IRF2: variants seen among roughly 807,000 people sequenced by gnomAD.
IRF2 encodes interferon regulatory factor 2.
In IRF2, 15 loss-of-function variants were observed where a neutral mutation model predicts 40.6. The observed-to-expected ratio is 0.37, with a 90% CI of 0.25 to 0.57. The LOEUF (loss-of-function observed/expected upper bound fraction) is 0.57, where lower values mean the gene tolerates loss of function less well. Among genes scored for constraint, IRF2 ranks in the 20% least tolerant of loss-of-function variants. The pLI, the probability that IRF2 is intolerant of heterozygous loss-of-function variation, is 0.77. For missense variants in IRF2, 317 were observed against 455.7 expected, an observed-to-expected ratio of 0.70 and a Z score of 2.77; for synonymous variants, 151 against 165.5, an observed-to-expected ratio of 0.91 and a Z score of 0.67.
chr4:184,454,941 G>A (rs940381773), intron 1 of IRF2, among the ~76,000 whole-genome samples: 8 of 152,124 alleles, frequency 5.3e-5, no homozygotes, highest in African/African-American at 1.9e-4. Context: ...AGTAGGGCCC[G>A]TGCTCCACCT....
At chr4:184,417,491 A>G (rs971034991) in intron 5 of IRF2, among the ~76,000 whole-genome samples, 2 of 152,148 alleles carry the variant, frequency 1.3e-5, no homozygotes, top group African/African-American at 4.8e-5. Context: ...CCAGTTTTGC[A>G]GGGCATATTC....
chr4:184,411,903 C>A (rs1309724860), intron 5 of IRF2, among the ~76,000 whole-genome samples: 1 of 151,540 alleles, frequency 6.6e-6, no homozygotes, highest in East Asian at 1.9e-4. Flanking sequence ...GATTCACATC[C>A]CCTCTGTCTG....
At chr4:184,416,068 T>C (rs1737255085) in intron 5 of IRF2, among the ~76,000 whole-genome samples, 1 of 152,106 alleles carries the variant, frequency 6.6e-6, no homozygotes, top group South Asian at 2.1e-4. Context: ...TCCAACATTT[T>C]GGGAAGCCGA....
intron 1 of IRF2, among the ~76,000 whole-genome samples, chr4:184,464,502 G>A (rs777182718): frequency 6.6e-6 from 1 of 152,168 alleles, no homozygotes; most frequent in Non-Finnish European, 1.5e-5. Context: ...GGACTATACA[G>A]GACATGAAGA....
At chr4:184,409,750 C>T (rs1213488750) in intron 5 of IRF2, among the ~76,000 whole-genome samples, 3 of 152,048 alleles carry the variant, frequency 2.0e-5, no homozygotes, top group Admixed American at 6.6e-5. Flanking sequence ...AAGCATTAGC[C>T]GGGTGTGGTG....
intron 1 of IRF2, among the ~76,000 whole-genome samples, chr4:184,453,134 T>C (rs989974533): frequency 6.6e-6 from 1 of 152,254 alleles, no homozygotes; most frequent in South Asian, 2.1e-4. Flanking sequence ...AAACTGTGAA[T>C]TGCAGATAAA....
At chr4:184,462,678 GATA>G (rs1739186960) in intron 1 of IRF2, among the ~76,000 whole-genome samples, 1 of 152,196 alleles carries the variant, frequency 6.6e-6, no homozygotes, top group African/African-American at 2.4e-5. Flanking sequence ...AGAAGAAACT[GATA>G]ATATTTTTTA....
intron 1 of IRF2, among the ~76,000 whole-genome samples, chr4:184,451,902 G>C (rs1270763246): frequency 6.6e-6 from 1 of 152,112 alleles, no homozygotes; most frequent in Non-Finnish European, 1.5e-5. Context: ...AACAGGGATG[G>C]AACAAGAAGA....
At chr4:184,445,666 A>G (rs574655458) in intron 1 of IRF2, among the ~76,000 whole-genome samples, 85 of 151,656 alleles carry the variant, frequency 5.6e-4, no homozygotes, top group South Asian at 8.3e-4. Context: ...AAAAAAAAAA[A>G]AAGAAGAAGA....
At chr4:184,392,950 C>T (rs544224416) in intron 7 of IRF2, among the ~76,000 whole-genome samples, 1 of 152,322 alleles carries the variant, frequency 6.6e-6, no homozygotes, top group South Asian at 2.1e-4. Context: ...GAGAAGCCCT[C>T]AGCCTCAGCT....
At chr4:184,415,665 T>G (rs886883071) in intron 5 of IRF2, among the ~76,000 whole-genome samples, 7 of 152,258 alleles carry the variant, frequency 4.6e-5, no homozygotes, top group African/African-American at 1.7e-4. Flanking sequence ...TGGCGTTCGA[T>G]GGAATACAGT....
chr4:184,473,639 T>C (rs1193449214), intron 1 of IRF2, among the ~76,000 whole-genome samples: 10 of 147,100 alleles, frequency 6.8e-5, no homozygotes, highest in African/African-American at 2.5e-4. Flanking sequence ...CCGGCCCGGC[T>C]CCGAGCCCGC....
At chr4:184,473,045 G>A (rs989051804) in intron 1 of IRF2, among the ~76,000 whole-genome samples, 1 of 152,100 alleles carries the variant, frequency 6.6e-6, no homozygotes, top group East Asian at 1.9e-4. Context: ...GCGGACGCCG[G>A]CCCCCAGGCC....
rs370673884 is a variant in IRF2 at position 184,471,292 on chromosome 4, T to C, written c.-7+3087A>G. Among the ~76,000 whole-genome samples, 91 of 152,304 alleles carry C rather than the reference T, an allele frequency of 6.0e-4. 1 individual carries two copies. In the South Asian group the frequency reaches 0.01, roughly 17 times the overall value. ...CCTTACAGCTAACCCCAAAAGGTAA[T>C]AACTATATTTTTTGTTGTTAATGGT... On this transcript the variant is annotated intron_variant, in intron 1 of 8. Coordinates refer to ENST00000393593, the MANE Select transcript of IRF2 (RefSeq NM_002199.4).
rs140122383 is a variant in IRF2 at position 184,439,616 on chromosome 4, C to G, written c.-6-10546G>C. Among the ~76,000 whole-genome samples, 1,327 of 152,222 alleles carry G rather than the reference C, an allele frequency of 8.7e-3. 21 individuals are homozygous for G. Among genetic ancestry groups the G allele is most frequent in the African/African-American group, 0.03 (1,251 of 41,534 alleles). ...CAAAAGTCTAAAATGCTTTCAAATA[C>G]CACAAAACTAGTTTTCCAGGCTGAA... is the stretch of plus-strand genomic sequence containing the variant. On this transcript the variant is annotated intron_variant, in intron 1 of 8. Transcript: ENST00000393593.
chr4:184,462,624 C>T (rs1739184766), intron 1 of IRF2, among the ~76,000 whole-genome samples: 1 of 152,164 alleles, frequency 6.6e-6, no homozygotes, highest in Non-Finnish European at 1.5e-5. Context: ...TTATTTATCC[C>T]TACAAGAAAG....
chr4:184,445,494 A>G (rs1010844940), intron 1 of IRF2, among the ~76,000 whole-genome samples: 1 of 152,056 alleles, frequency 6.6e-6, no homozygotes, highest in African/African-American at 2.4e-5. Context: ...TCTCTACTAA[A>G]ATTTATATAA....
chr4:184,472,906 T>G (rs988713866), intron 1 of IRF2, among the ~76,000 whole-genome samples: 1 of 152,012 alleles, frequency 6.6e-6, no homozygotes, highest in Admixed American at 6.5e-5. Context: ...CCCCGCTTCT[T>G]AGGGAACAAG....
At chr4:184,473,176 G>C (rs1243429962) in intron 1 of IRF2, among the ~76,000 whole-genome samples, 1 of 151,562 alleles carries the variant, frequency 6.6e-6, no homozygotes, top group African/African-American at 2.4e-5. Flanking sequence ...AACCATGTTC[G>C]GCCAGCGGGC....
Sources: allele counts gnomAD v4.1 joint callset (sites outside exome capture counted in the v4.1 genomes callset), GRCh38; gene constraint gnomAD v4.1.1; transcripts MANE v1.5; gene names NCBI Gene and HGNC (gene_info 2026-07-23, HGNC 2026-07-21).